The following FRMD3 variants were observed in gnomAD, a reference collection of about 807,000 sequenced individuals.
The protein encoded by FRMD3 is FERM domain containing 3.
In FRMD3, 33 loss-of-function variants were observed where a neutral mutation model predicts 70.2. The ratio of observed to expected loss-of-function variants is 0.47; its 90% confidence interval spans 0.36 to 0.63. The LOEUF (loss-of-function observed/expected upper bound fraction) is 0.63, where lower values mean the gene tolerates loss of function less well. FRMD3 is among the 20% of genes least tolerant of loss of function. The pLI, the probability that FRMD3 is intolerant of heterozygous loss-of-function variation, is 0.00. For synonymous variants in FRMD3, 279 were observed against 255.9 expected (o/e 1.09, Z -0.86); for missense variants, 632 against 711.4 (o/e 0.89, Z 1.27).
At position 83,414,061 on chromosome 9, in the gene FRMD3, A is replaced by AAC. The variant is rs142054709; in HGVS notation, c.148-24355_148-24354dup. Among the ~76,000 whole-genome samples the AAC allele has an allele frequency of 6.1e-3, 920 of 150,944 alleles. 6 individuals are homozygous for AAC. The highest frequency in any genetic ancestry group is 0.015 in the African/African-American group (612 of 41,254). ...ACTTGTGTTCAAATAAAATTCACGC[A>AAC]ACACACACACACACACACGAATTCG... On this transcript the variant is annotated intron_variant, in intron 1 of 13. Coordinates refer to ENST00000304195, the MANE Select transcript of FRMD3 (RefSeq NM_174938.6).
the FRMD3 span, among the ~76,000 whole-genome samples, chr9:83,577,941 GA>G: frequency 3.3e-5 from 5 of 150,880 alleles, no homozygotes; most frequent in Non-Finnish European, 7.4e-5. Flanking sequence ...GGCTAACTAG[GA>G]AAAAAAGAGA....
chr9:83,274,193 A>G (rs1264672438), intron 13 of FRMD3, among the ~76,000 whole-genome samples: 1 of 152,184 alleles, frequency 6.6e-6, no homozygotes, highest in Non-Finnish European at 1.5e-5. Flanking sequence ...ATGAGTTCTC[A>G]GTGGAAGCAA....
At chr9:83,551,421 T>C in the FRMD3 span, among the ~76,000 whole-genome samples, 2 of 152,218 alleles carry the variant, frequency 1.3e-5, no homozygotes, top group South Asian at 4.1e-4. Flanking sequence ...ACCAAGGATA[T>C]TGGCCTGAAG....
At chr9:83,496,530 C>T (rs1035850469) in intron 1 of FRMD3, among the ~76,000 whole-genome samples, 9 of 152,130 alleles carry the variant, frequency 5.9e-5, no homozygotes, top group African/African-American at 1.2e-4. Context: ...ATCTCAGATC[C>T]GCTGGCAACA....
chr9:83,458,881 ATAAGAAGG>A (rs1827893626), intron 1 of FRMD3, among the ~76,000 whole-genome samples: 1 of 152,208 alleles, frequency 6.6e-6, no homozygotes, highest in African/African-American at 2.4e-5. Flanking sequence ...AAGACCTAAA[ATAAGAAGG>A]TAGTCAGTTG....
chr9:83,534,008 A>G (rs1490295682), intron 1 of FRMD3, among the ~76,000 whole-genome samples: 1 of 152,212 alleles, frequency 6.6e-6, no homozygotes, highest in Non-Finnish European at 1.5e-5. Context: ...AAAAAAGTAG[A>G]TAGAAGATGG....
chr9:83,381,625 G>GT (rs1022624368), intron 2 of FRMD3, among the ~76,000 whole-genome samples: 2 of 152,042 alleles, frequency 1.3e-5, no homozygotes, highest in African/African-American at 4.8e-5. Context: ...TAGCCATGAT[G>GT]TTTTTGTATT....
chr9:83,514,053 G>A (rs1377972177), intron 1 of FRMD3, among the ~76,000 whole-genome samples: 2 of 152,168 alleles, frequency 1.3e-5, no homozygotes, highest in South Asian at 2.1e-4. Flanking sequence ...GGCAGACACC[G>A]AGCTAGCTGC....
At chr9:83,383,617 A>C (rs1188246952) in intron 2 of FRMD3, among the ~76,000 whole-genome samples, 1 of 152,172 alleles carries the variant, frequency 6.6e-6, no homozygotes, top group Non-Finnish European at 1.5e-5. Context: ...TTACTCTTCA[A>C]CCACCACATT....
intron 1 of FRMD3, among the ~76,000 whole-genome samples, chr9:83,490,602 T>C (rs372400095): frequency 2.2e-4 from 33 of 152,106 alleles, no homozygotes; most frequent in East Asian, 1.7e-3. Context: ...CATTCTTTAA[T>C]GGAATTAACT....
intron 1 of FRMD3, among the ~76,000 whole-genome samples, chr9:83,441,323 C>G (rs1303635580): frequency 6.6e-6 from 1 of 152,292 alleles, no homozygotes; most frequent in Non-Finnish European, 1.5e-5. Flanking sequence ...CAGATTCCGA[C>G]TGAACGGATC....
At chr9:83,447,984 C>A (rs552819022) in intron 1 of FRMD3, among the ~76,000 whole-genome samples, 2 of 152,252 alleles carry the variant, frequency 1.3e-5, no homozygotes, top group African/African-American at 2.4e-5. Context: ...ATAAATGTGT[C>A]TTTTTCTCTT....
At chr9:83,565,924 T>C in the FRMD3 span, among the ~76,000 whole-genome samples, 2 of 152,158 alleles carry the variant, frequency 1.3e-5, no homozygotes, top group Admixed American at 1.3e-4. Context: ...CATACTCCCA[T>C]CTGGGAAAGG....
At chr9:83,284,061 A>ATTTT (rs71365307) in intron 13 of FRMD3, among the ~76,000 whole-genome samples, 25 of 101,656 alleles carry the variant, frequency 2.5e-4, no homozygotes, top group East Asian at 1.3e-3. Flanking sequence ...CTAGGATGTT[A>ATTTT]TTTTTTTTTT....
chr9:83,475,108 A>G (rs888368463), intron 1 of FRMD3, among the ~76,000 whole-genome samples: 5 of 152,188 alleles, frequency 3.3e-5, no homozygotes, highest in African/African-American at 4.8e-5. Context: ...CCAACATTCA[A>G]TTAAAAATTA....
the FRMD3 span, among the ~76,000 whole-genome samples, chr9:83,552,496 T>C: frequency 6.6e-6 from 1 of 152,174 alleles, no homozygotes; most frequent in South Asian, 2.1e-4. Context: ...ATCCATTTGG[T>C]CCAATGTTCA....
chr9:83,574,977 G>A, the FRMD3 span, among the ~76,000 whole-genome samples: 1 of 152,124 alleles, frequency 6.6e-6, no homozygotes, highest in Non-Finnish European at 1.5e-5. Flanking sequence ...CTTCCTTGTT[G>A]CATCCTTGAT....
chr9:83,475,940 C>T (rs963719677), intron 1 of FRMD3, among the ~76,000 whole-genome samples: 3 of 152,148 alleles, frequency 2.0e-5, no homozygotes, highest in Non-Finnish European at 2.9e-5. Context: ...GCCTCACTTA[C>T]GTAAATAACA....
chr9:83,546,767 C>T, the FRMD3 span, among the ~76,000 whole-genome samples: 2 of 151,586 alleles, frequency 1.3e-5, no homozygotes, highest in Non-Finnish European at 2.9e-5. Flanking sequence ...GTGGTGCATA[C>T]CTGTATCCCA....
Sources: gnomAD v4.1 joint callset for allele counts (sites outside exome capture counted in the v4.1 genomes callset) on GRCh38, gnomAD v4.1.1 for gene constraint, MANE v1.5 for transcripts, NCBI Gene and HGNC (gene_info 2026-07-23, HGNC 2026-07-21) for gene names.